SGCD: variants seen among roughly 807,000 people sequenced by gnomAD.
SGCD encodes delta-sarcoglycan.
Under a neutral mutation model 36.6 loss-of-function variants are expected in SGCD, and 18 were observed. That is an observed-to-expected ratio of 0.49 (90% CI 0.34 to 0.73). SGCD has a LOEUF of 0.73. Among genes scored for constraint, SGCD ranks in the 30% least tolerant of loss-of-function variants. The probability of loss-of-function intolerance (pLI) is 0.01; values close to 1 mark genes in which losing one functional copy is unlikely to be tolerated. For synonymous variants in SGCD, 133 were observed against 130.6 expected, an observed-to-expected ratio of 1.02 and a Z score of -0.12; for missense variants, 387 against 346.7, an observed-to-expected ratio of 1.12 and a Z score of -0.92.
At chr5:156,708,968 G>T (rs1754863704) in intron 7 of SGCD, among the ~76,000 whole-genome samples, 1 of 152,146 alleles carries the variant, frequency 6.6e-6, no homozygotes, top group Admixed American at 6.5e-5. Context: ...AGCAGGGCTT[G>T]TTACATATAT....
At chr5:155,855,511 C>T in the SGCD span, among the ~76,000 whole-genome samples, 1 of 152,132 alleles carries the variant, frequency 6.6e-6, no homozygotes, top group Non-Finnish European at 1.5e-5. Context: ...CCAAACTAAG[C>T]TGGTTATTTT....
At chr5:155,734,335 T>G in the SGCD span, among the ~76,000 whole-genome samples, 1 of 151,768 alleles carries the variant, frequency 6.6e-6, no homozygotes, top group African/African-American at 2.4e-5. Flanking sequence ...CTTCCGAGTA[T>G]CTGGGATTAC....
intron 4 of SGCD, among the ~76,000 whole-genome samples, chr5:156,543,723 T>A (rs937702018): frequency 1.3e-5 from 2 of 152,182 alleles, no homozygotes; most frequent in African/African-American, 4.8e-5. Context: ...CACCTCTTCA[T>A]CCAAAGGGAC....
the SGCD span, among the ~76,000 whole-genome samples, chr5:155,728,637 G>A: frequency 6.6e-6 from 1 of 152,110 alleles, no homozygotes; most frequent in African/African-American, 2.4e-5. Flanking sequence ...CCGCTTGGCC[G>A]GCGCCGGCCC....
At chr5:156,259,747 G>A (rs1323460820) in intron 3 of SGCD, among the ~76,000 whole-genome samples, 1 of 152,050 alleles carries the variant, frequency 6.6e-6, no homozygotes. Context: ...AGGTAAGTAG[G>A]ATTAGATAAG....
At chr5:156,625,197 A>C (rs972645141) in intron 6 of SGCD, among the ~76,000 whole-genome samples, 1 of 152,148 alleles carries the variant, frequency 6.6e-6, no homozygotes, top group African/African-American at 2.4e-5. Flanking sequence ...ATTTTAGGAC[A>C]TTGGCAGTGT....
chr5:156,386,689 A>G (rs375030233), intron 3 of SGCD, among the ~76,000 whole-genome samples: 25 of 152,368 alleles, frequency 1.6e-4, no homozygotes, highest in African/African-American at 5.3e-4. Flanking sequence ...TATTTTCCTG[A>G]TGGTGATCCC....
chr5:156,370,357 A>G (rs1770320436), intron 3 of SGCD, among the ~76,000 whole-genome samples: 1 of 152,178 alleles, frequency 6.6e-6, no homozygotes, highest in Admixed American at 6.5e-5. Context: ...TACCAAACAC[A>G]GTTAAGAGCT....
intron 1 of SGCD, among the ~76,000 whole-genome samples, chr5:156,101,828 C>A (rs1761523262): frequency 6.6e-6 from 1 of 151,220 alleles, no homozygotes; most frequent in South Asian, 2.1e-4. Flanking sequence ...AGAGTGGAAT[C>A]ATAAATTCTT....
chr5:156,681,055 T>A (rs1036785926), intron 7 of SGCD, among the ~76,000 whole-genome samples: 1 of 152,126 alleles, frequency 6.6e-6, no homozygotes, highest in Admixed American at 6.5e-5. Context: ...AAGCATGGTA[T>A]AGCCAAAGGT....
the SGCD span, among the ~76,000 whole-genome samples, chr5:155,860,289 T>A: frequency 6.6e-6 from 1 of 152,256 alleles, no homozygotes; most frequent in East Asian, 1.9e-4. Context: ...ACCTGAAAAC[T>A]CCAAATGGTC....
At chr5:156,637,162 C>G (rs1221850142) in intron 6 of SGCD, among the ~76,000 whole-genome samples, 14 of 152,076 alleles carry the variant, frequency 9.2e-5, no homozygotes, top group Non-Finnish European at 5.9e-5. Flanking sequence ...GGGGCTTTTC[C>G]CCATTTTGCT....
intron 1 of SGCD, among the ~76,000 whole-genome samples, chr5:156,068,876 A>G (rs1760433818): frequency 6.6e-6 from 1 of 151,996 alleles, no homozygotes; most frequent in East Asian, 1.9e-4. Context: ...ATAGCCAGTG[A>G]TGGTGAGCAT....
chr5:156,209,558 T>C (rs1358996148), intron 3 of SGCD, among the ~76,000 whole-genome samples: 1 of 152,182 alleles, frequency 6.6e-6, no homozygotes, highest in Non-Finnish European at 1.5e-5. Flanking sequence ...TGACACAGGC[T>C]CAAGGACTGT....
chr5:156,569,045 A>T (rs1759611922), intron 4 of SGCD, among the ~76,000 whole-genome samples: 1 of 152,098 alleles, frequency 6.6e-6, no homozygotes, highest in East Asian at 1.9e-4. Context: ...TGAACATTGT[A>T]TTCCAGATGT....
At chr5:156,423,372 TTTA>T (rs1773496308) in intron 3 of SGCD, among the ~76,000 whole-genome samples, 2 of 109,068 alleles carry the variant, frequency 1.8e-5, no homozygotes, top group Admixed American at 1.2e-4. Context: ...TATATTATAT[TTTA>T]TTATAATATA....
At chr5:156,650,789 A>C (rs1455518802) in intron 7 of SGCD, among the ~76,000 whole-genome samples, 1 of 152,168 alleles carries the variant, frequency 6.6e-6, no homozygotes, top group Non-Finnish European at 1.5e-5. Flanking sequence ...ATTGCAATGA[A>C]TATACAAGTG....
intron 4 of SGCD, among the ~76,000 whole-genome samples, chr5:156,569,748 G>T (rs190376272): frequency 1.1e-3 from 162 of 152,196 alleles, no homozygotes; most frequent in African/African-American, 3.5e-3. Context: ...CAACCAGGTG[G>T]ATATGGAGGA....
At chr5:155,904,433 A>T (rs1054507439) in intron 1 of SGCD, among the ~76,000 whole-genome samples, 1 of 152,242 alleles carries the variant, frequency 6.6e-6, no homozygotes, top group Admixed American at 6.5e-5. Context: ...AGTGTTGTAC[A>T]ACCATCACCA....
Sources: allele counts gnomAD v4.1 joint callset (sites outside exome capture counted in the v4.1 genomes callset), GRCh38; gene constraint gnomAD v4.1.1; transcripts MANE v1.5; gene names NCBI Gene and HGNC (gene_info 2026-07-23, HGNC 2026-07-21).